POFUT3: variants seen among roughly 807,000 people sequenced by gnomAD.
POFUT3 encodes the protein GDP-fucose protein O-fucosyltransferase 3.
At chr8:33,401,509 T>C in the POFUT3 span, among the ~76,000 whole-genome samples, 2 of 151,948 alleles carry the variant, frequency 1.3e-5, no homozygotes, top group Admixed American at 6.6e-5. Context: ...AAAAAGAAAA[T>C]AAATATTTTT....
At chr8:33,366,491 C>T in the POFUT3 span, among the ~76,000 whole-genome samples, 1 of 152,008 alleles carries the variant, frequency 6.6e-6, no homozygotes, top group Non-Finnish European at 1.5e-5. Context: ...CTTAACACTT[C>T]CTTCTTTAGA....
the POFUT3 span, among the ~76,000 whole-genome samples, chr8:33,368,970 C>G: frequency 6.6e-6 from 1 of 152,194 alleles, no homozygotes; most frequent in Non-Finnish European, 1.5e-5. Flanking sequence ...ACACCTCTCT[C>G]TCCTGTGTCT....
the POFUT3 span, among the ~76,000 whole-genome samples, chr8:33,463,842 G>A: frequency 3.3e-5 from 5 of 152,218 alleles, no homozygotes; most frequent in East Asian, 1.9e-4. Context: ...GTGAGCCACC[G>A]TGCACGGCCT....
the POFUT3 span, among the ~76,000 whole-genome samples, chr8:33,363,219 A>C: frequency 1.1e-3 from 173 of 152,344 alleles, no homozygotes; most frequent in Non-Finnish European, 1.3e-3. Flanking sequence ...CTTGGAAACC[A>C]ATGAGAACAA....
At chr8:33,319,739 T>C in the POFUT3 span, among the ~76,000 whole-genome samples, 1 of 64,254 alleles carries the variant, frequency 1.6e-5, no homozygotes, top group Non-Finnish European at 2.4e-5. Context: ...GTATATTTTA[T>C]ATATATTTAT....
At chr8:33,346,259 C>G in the POFUT3 span, among the ~76,000 whole-genome samples, 1 of 151,808 alleles carries the variant, frequency 6.6e-6, no homozygotes. Context: ...GCATAAACTT[C>G]TAGATCAACA....
the POFUT3 span, among the ~76,000 whole-genome samples, chr8:33,447,301 T>C: frequency 1.3e-5 from 2 of 151,984 alleles, no homozygotes; most frequent in East Asian, 3.9e-4. Flanking sequence ...TACAAAAAAT[T>C]AGCCAAGTGT....
chr8:33,428,109 C>T, the POFUT3 span, among the ~76,000 whole-genome samples: 8 of 152,176 alleles, frequency 5.3e-5, no homozygotes, highest in African/African-American at 1.7e-4. Flanking sequence ...GGCGACAGAG[C>T]GAGACTCCGT....
chr8:33,464,481 G>A, the POFUT3 span, among the ~76,000 whole-genome samples: 1 of 152,156 alleles, frequency 6.6e-6, no homozygotes, highest in African/African-American at 2.4e-5. Context: ...GATCTGAAGT[G>A]CACACATTCC....
the POFUT3 span, among the ~76,000 whole-genome samples, chr8:33,360,437 C>A: frequency 6.6e-6 from 1 of 151,302 alleles, no homozygotes; most frequent in East Asian, 1.9e-4. Flanking sequence ...TAGAGTGAGA[C>A]TCCATCTCAA....
At chr8:33,338,593 T>C in the POFUT3 span, among the ~76,000 whole-genome samples, 3 of 152,166 alleles carry the variant, frequency 2.0e-5, no homozygotes, top group African/African-American at 7.2e-5. Context: ...AGAAGAGGTC[T>C]AATGAAGAGT....
chr8:33,460,852 G>T, the POFUT3 span: 1 of 520,470 alleles, frequency 1.9e-6, no homozygotes, highest in Non-Finnish European at 2.5e-6. Context: ...TTTTCTCCCA[G>T]TAGAAAACCT....
chr8:33,317,085 C>T, the POFUT3 span, among the ~76,000 whole-genome samples: 1 of 152,004 alleles, frequency 6.6e-6, no homozygotes, highest in Admixed American at 6.6e-5. Context: ...AAGGAAAATG[C>T]CAGGCACCTA....
chr8:33,372,932 A>C, the POFUT3 span: 34 of 788,866 alleles, frequency 4.3e-5, no homozygotes, highest in Non-Finnish European at 6.0e-5. Flanking sequence ...AAAGCATCTC[A>C]CATATTGCCT....
At chr8:33,411,380 TG>T in the POFUT3 span, among the ~76,000 whole-genome samples, 3 of 152,248 alleles carry the variant, frequency 2.0e-5, no homozygotes, top group Non-Finnish European at 4.4e-5. Context: ...CTGAAAAGGA[TG>T]TGCTGGTTTC....
the POFUT3 span, among the ~76,000 whole-genome samples, chr8:33,441,365 T>C: frequency 3.4e-5 from 5 of 148,188 alleles, no homozygotes; most frequent in East Asian, 9.9e-4. Flanking sequence ...GTTGTTTTAA[T>C]ATTTTTTCCT....
At chr8:33,382,655 G>T in the POFUT3 span, among the ~76,000 whole-genome samples, 1 of 152,174 alleles carries the variant, frequency 6.6e-6, no homozygotes, top group Non-Finnish European at 1.5e-5. Flanking sequence ...TGCCAGTTTT[G>T]TAGGAGGCAA....
chr8:33,455,555 T>C, the POFUT3 span, among the ~76,000 whole-genome samples: 23 of 152,196 alleles, frequency 1.5e-4, no homozygotes, highest in South Asian at 6.2e-4. Flanking sequence ...ATTAATATAA[T>C]TGATATGGCA....
At chr8:33,318,878 T>C in the POFUT3 span, among the ~76,000 whole-genome samples, 2 of 55,120 alleles carry the variant, frequency 3.6e-5, no homozygotes, top group Admixed American at 6.1e-4. Flanking sequence ...ATTTTTTATA[T>C]CTTTATATAA....
Sources: gnomAD v4.1 joint callset for allele counts (sites outside exome capture counted in the v4.1 genomes callset) on GRCh38, gnomAD v4.1.1 for gene constraint, MANE v1.5 for transcripts, NCBI Gene and HGNC (gene_info 2026-07-23, HGNC 2026-07-21) for gene names.